Variants in HECTD4 observed in about 807,000 individuals in gnomAD.
HECTD4 encodes probable E3 ubiquitin-protein ligase HECTD4.
In HECTD4, 114 loss-of-function variants were observed where a neutral mutation model predicts 471.5. The ratio of observed to expected loss-of-function variants is 0.24; its 90% CI spans 0.21 to 0.28. HECTD4 has a LOEUF of 0.28. Among genes scored for constraint, HECTD4 ranks in the 10% least tolerant of loss-of-function variants. The pLI, the probability that HECTD4 is intolerant of heterozygous loss-of-function variation, is 1.00. For synonymous variants in HECTD4, 2,012 were observed against 2,256.0 expected (o/e 0.89, Z 3.07); for missense variants, 3,866 against 5,651.5 (o/e 0.68, Z 10.13).
At chr12:112,301,262 T>G (rs1201116307) in intron 7 of HECTD4, among the ~76,000 whole-genome samples, 1 of 149,582 alleles carries the variant, frequency 6.7e-6, no homozygotes, top group Non-Finnish European at 1.5e-5. Flanking sequence ...AGCTCCGCCT[T>G]GGTGGAGCCT....
chr12:112,335,846 G>A lies in HECTD4; in HGVS notation c.178-16104C>T, dbSNP rs2135720472. ...AAAAAATAAAAATAAATAAATAAGT[G>A]TTCTAGTTAATAAGTGAAAGACAAA... On this transcript the variant is annotated intron_variant, in intron 1 of 75. Transcript: ENST00000682272. Among the ~76,000 whole-genome samples, 2 of 152,212 alleles carry A rather than the reference G, an allele frequency of 1.3e-5. 1 individual carries two copies. The highest frequency in any genetic ancestry group is 3.9e-4 in the East Asian group (2 of 5,184).
At chr12:112,232,945 T>C (rs1291516572) in intron 38 of HECTD4, 59 bp downstream of exon 38, 14 of 1,405,036 alleles carry the variant, frequency 1.0e-5, no homozygotes, top group Middle Eastern at 1.7e-4. Flanking sequence ...TCTGAAAATC[T>C]AAAGCATGAC....
intron 44 of HECTD4, among the ~76,000 whole-genome samples, chr12:112,224,803 G>A (rs1226746460): frequency 6.6e-6 from 1 of 152,098 alleles, no homozygotes; most frequent in Non-Finnish European, 1.5e-5. Flanking sequence ...AAGTATCAAT[G>A]TAAATTTCAC....
intron 7 of HECTD4, among the ~76,000 whole-genome samples, chr12:112,298,088 A>G (rs1382556187): frequency 1.3e-5 from 2 of 152,218 alleles, no homozygotes; most frequent in African/African-American, 4.8e-5. Flanking sequence ...GGATACATCA[A>G]GAGCAATGGG....
chr12:112,346,620 C>CAG (rs911195714), intron 1 of HECTD4, among the ~76,000 whole-genome samples: 10 of 152,038 alleles, frequency 6.6e-5, no homozygotes, highest in Non-Finnish European at 1.5e-4. Flanking sequence ...CTTGGCTTTC[C>CAG]AGAGAGAGAG....
At chr12:112,292,363 C>A (rs142906571) in intron 7 of HECTD4, among the ~76,000 whole-genome samples, 35 of 152,268 alleles carry the variant, frequency 2.3e-4, no homozygotes, top group Admixed American at 1.3e-4. Context: ...CTGATCATTA[C>A]CTAGAATAGT....
intron 1 of HECTD4, among the ~76,000 whole-genome samples, chr12:112,365,347 G>A (rs561351126): frequency 3.9e-5 from 6 of 152,306 alleles, no homozygotes; most frequent in South Asian, 2.1e-4. Context: ...AGTGAGCTAC[G>A]ATAGTGCCAC....
At chr12:112,190,475 A>C (rs1272671723) in intron 60 of HECTD4, among the ~76,000 whole-genome samples, 1 of 151,966 alleles carries the variant, frequency 6.6e-6, no homozygotes, top group African/African-American at 2.4e-5. Flanking sequence ...ACCACCCTTC[A>C]CCCCTAAAGT....
rs781683266 is a variant in HECTD4 at position 112,219,394 on chromosome 12, G to T, written c.7066C>A (p.Arg2356=). ...RPPPPPLQAD[R]RQPKEITWSP... ...CACCGCAGAGGGCTCACCTGTCTTC[G>T]GTCAGCCTGCAAAGGAGGTGGTGGG... is the stretch of plus-strand genomic sequence containing the variant. Residue 2356 remains arginine, a synonymous_variant, in exon 45 of 76, where the codon CGA becomes AGA. Coordinates refer to ENST00000682272, the MANE Select transcript of HECTD4 (RefSeq NM_001388303.1). The T allele has an allele frequency of 1.9e-6, 3 of 1,613,192 alleles. No individual in the cohort carries two copies. Among genetic ancestry groups the T allele is most frequent in the Non-Finnish European group, 2.5e-6 (3 of 1,179,436 alleles).
In HECTD4 at chr12:112,228,775, C is replaced by T. The variant is rs1191813295; in HGVS notation, c.6556G>A (p.Val2186Met). Residue 2186 changes from valine (V) to methionine (M), a missense_variant, in exon 42 of 76, where the codon GTG becomes ATG. This residue lies in a region of HECTD4 where 617 missense variants were observed against 915.1 expected (regional missense o/e 0.67). Coordinates refer to ENST00000682272, the MANE Select transcript of HECTD4 (RefSeq NM_001388303.1). The surrounding 1 kb of genome is among the most constrained non-coding windows in gnomAD (Gnocchi z 4.9). ...CCTTCCTGTTCATTGATAGAAGCCA[C>T]TACTCCAATGCTTCCTGAAATTCCT... ...GRGISGSIGVVASINEQEGIA... is the reference protein window; with the variant it reads ...GRGISGSIGVMASINEQEGIA... 6.8e-6 allele frequency: 11 copies of T among 1,613,654 alleles called. No homozygotes were observed. The highest frequency in any genetic ancestry group is 9.3e-6 in the Non-Finnish European group (11 of 1,179,840).
In HECTD4 at chr12:112,184,521, C is replaced by T; in HGVS notation, c.10445G>A (p.Ser3482Asn). Reference protein sequence around the residue: ...STSSSLTPAMSISASASTSQA... With the variant: ...STSSSLTPAMNISASASTSQA... ...GCTGGTGGAGGCGGAGGCGCTGATG[C>T]TCATGGCGGGGGTCAGGCTGCTGGA... Residue 3482 changes from serine to asparagine, a missense_variant, in exon 61 of 76, where the codon AGC (serine) becomes AAC (asparagine). Around this residue, in one of 16 missense-constraint regions of HECTD4, gnomAD observed 192 missense variants for 189.9 expected, o/e 1.01. Coordinates refer to ENST00000682272, the MANE Select transcript of HECTD4 (RefSeq NM_001388303.1). This position sits in a 1 kb window ranked among gnomAD's most constrained non-coding sequence, Gnocchi z 9.1. 1 of 1,612,024 alleles carries T rather than the reference C, an allele frequency of 6.2e-7. No individual in the cohort carries two copies. The highest frequency in any genetic ancestry group is 8.5e-7 in the Non-Finnish European group (1 of 1,179,386).
chr12:112,172,282 T>A (rs1441164760), intron 67 of HECTD4, among the ~76,000 whole-genome samples: 1 of 152,218 alleles, frequency 6.6e-6, no homozygotes, highest in Non-Finnish European at 1.5e-5. Flanking sequence ...AACAAAAACA[T>A]GGTGTTCCCC....
chr12:112,370,377 A>T (rs1270550279), intron 1 of HECTD4, among the ~76,000 whole-genome samples: 5 of 152,214 alleles, frequency 3.3e-5, no homozygotes, highest in African/African-American at 1.2e-4. Context: ...AATTTGTGAT[A>T]ATCTGTTAAC....
chr12:112,241,595 G>A (rs1357722212), intron 32 of HECTD4, among the ~76,000 whole-genome samples: 4 of 152,118 alleles, frequency 2.6e-5, no homozygotes, highest in South Asian at 2.1e-4. Context: ...TCCAGTAGCT[G>A]GGACCACAGG....
At chr12:112,242,304 T>C (rs1443517022) in intron 32 of HECTD4, among the ~76,000 whole-genome samples, 1 of 152,134 alleles carries the variant, frequency 6.6e-6, no homozygotes, top group Non-Finnish European at 1.5e-5. Flanking sequence ...ATAATGTATA[T>C]CTATGAGCTC....
chr12:112,341,854 G>C (rs900456355), intron 1 of HECTD4, among the ~76,000 whole-genome samples: 1 of 152,140 alleles, frequency 6.6e-6, no homozygotes, highest in Non-Finnish European at 1.5e-5. Flanking sequence ...TAGCAGACCA[G>C]GGACAAATCC....
intron 34 of HECTD4, 120 bp downstream of exon 34, chr12:112,238,932 C>G (rs2033578217): frequency 1.1e-6 from 1 of 938,566 alleles, no homozygotes; most frequent in South Asian, 1.9e-5. Flanking sequence ...ACTGATTTAA[C>G]CCATCTGATC....
At chr12:112,201,199 T>G (rs536843636) in intron 54 of HECTD4, 6 of 391,612 alleles carry the variant, frequency 1.5e-5, no homozygotes, top group South Asian at 1.1e-4. Context: ...GTTCAAGAGA[T>G]TCTCCTGTCT....
chr12:112,191,193 G>T (rs193072897), intron 59 of HECTD4, among the ~76,000 whole-genome samples: 25 of 152,310 alleles, frequency 1.6e-4, no homozygotes, highest in African/African-American at 6.0e-4. Flanking sequence ...GGGTGGATTT[G>T]GCAAATGGGA....
Sources: gnomAD v4.1 joint callset for allele counts (sites outside exome capture counted in the v4.1 genomes callset) on GRCh38, gnomAD v4.1.1 for gene constraint, gnomAD v4.1.1 regional missense constraint, Gnocchi (gnomAD v3.1) non-coding constraint, MANE v1.5 for transcripts, NCBI Gene and HGNC (gene_info 2026-07-23, HGNC 2026-07-21) for gene names.